REDIC1: variants seen among roughly 807,000 people sequenced by gnomAD.
The protein encoded by REDIC1 is regulator of DNA class I crossover intermediates 1, also known as HEI10 Interacting Protein 1.
the REDIC1 span, among the ~76,000 whole-genome samples, chr12:39,697,153 A>G: frequency 6.6e-5 from 10 of 152,346 alleles, 1 homozygote; most frequent in Non-Finnish European, 1.5e-4. Context: ...TGGAGCTGCA[A>G]TACGTCTGGG....
the REDIC1 span, among the ~76,000 whole-genome samples, chr12:39,660,178 G>A: frequency 4.0e-4 from 61 of 152,224 alleles, no homozygotes; most frequent in African/African-American, 1.4e-3. Context: ...TGCATGTGCC[G>A]GTTAGTATTT....
chr12:39,738,484 A>T, the REDIC1 span, among the ~76,000 whole-genome samples: 1 of 152,212 alleles, frequency 6.6e-6, no homozygotes, highest in Non-Finnish European at 1.5e-5. Context: ...TGCCTAAGTA[A>T]GTGGAGTATA....
chr12:39,628,878 G>C, the REDIC1 span, among the ~76,000 whole-genome samples: 1 of 152,062 alleles, frequency 6.6e-6, no homozygotes, highest in African/African-American at 2.4e-5. Context: ...TTTACTGATG[G>C]GGAAACTGAA....
the REDIC1 span, among the ~76,000 whole-genome samples, chr12:39,846,981 T>C: frequency 6.6e-6 from 1 of 152,142 alleles, no homozygotes; most frequent in African/African-American, 2.4e-5. Flanking sequence ...CAACAAAAGG[T>C]AGCTGTTTCA....
the REDIC1 span, among the ~76,000 whole-genome samples, chr12:39,893,604 C>A: frequency 1.3e-5 from 2 of 152,054 alleles, no homozygotes; most frequent in Non-Finnish European, 2.9e-5. Flanking sequence ...CCAGGCCTAC[C>A]GCTCTTTTCT....
At chr12:39,715,047 G>T in the REDIC1 span, among the ~76,000 whole-genome samples, 1 of 151,898 alleles carries the variant, frequency 6.6e-6, no homozygotes, top group Admixed American at 6.6e-5. Context: ...TCCTTTTGCC[G>T]TGCAAAAGCT....
the REDIC1 span, among the ~76,000 whole-genome samples, chr12:39,712,098 A>G: frequency 8.3e-6 from 1 of 120,820 alleles, no homozygotes; most frequent in Non-Finnish European, 1.8e-5. Flanking sequence ...ACATACATAT[A>G]TACCTGTATA....
chr12:39,890,175 A>C, the REDIC1 span, among the ~76,000 whole-genome samples: 1 of 152,210 alleles, frequency 6.6e-6, no homozygotes, highest in African/African-American at 2.4e-5. Flanking sequence ...GTTATATGTA[A>C]TGAAGAAATA....
At chr12:39,698,741 G>C in the REDIC1 span, among the ~76,000 whole-genome samples, 2 of 152,202 alleles carry the variant, frequency 1.3e-5, no homozygotes, top group Non-Finnish European at 2.9e-5. Flanking sequence ...TGAATGACCA[G>C]TGGGTCAATG....
the REDIC1 span, among the ~76,000 whole-genome samples, chr12:39,718,181 G>T: frequency 2.0e-5 from 3 of 151,978 alleles, no homozygotes; most frequent in Non-Finnish European, 1.5e-5. Context: ...TCTCTCTTGG[G>T]TTCTCTCCCA....
At chr12:39,827,222 T>C in the REDIC1 span, among the ~76,000 whole-genome samples, 2 of 152,052 alleles carry the variant, frequency 1.3e-5, no homozygotes, top group African/African-American at 2.4e-5. Context: ...CAACTCATGG[T>C]TCCCACTTCA....
chr12:39,713,466 ATATACATG>A, the REDIC1 span, among the ~76,000 whole-genome samples: 1 of 149,644 alleles, frequency 6.7e-6, no homozygotes, highest in Non-Finnish European at 1.5e-5. Context: ...ACATTTGTAT[ATATACATG>A]TATACATTTA....
chr12:39,786,727 C>A, the REDIC1 span, among the ~76,000 whole-genome samples: 1 of 152,152 alleles, frequency 6.6e-6, no homozygotes, highest in Non-Finnish European at 1.5e-5. Context: ...TGGGCTCAGC[C>A]TTGGTGGGTG....
the REDIC1 span, chr12:39,684,859 A>C: frequency 6.2e-7 from 1 of 1,602,466 alleles, no homozygotes; most frequent in South Asian, 1.1e-5. Context: ...TGTATTTATA[A>C]TCCTTAGGGG....
chr12:39,897,958 T>G, the REDIC1 span, among the ~76,000 whole-genome samples: 1 of 152,054 alleles, frequency 6.6e-6, no homozygotes, highest in East Asian at 1.9e-4. Context: ...TACATGTAAG[T>G]TTATTATATG....
At chr12:39,652,305 A>G in the REDIC1 span, among the ~76,000 whole-genome samples, 2 of 152,146 alleles carry the variant, frequency 1.3e-5, no homozygotes, top group Admixed American at 6.5e-5. Context: ...AAGTTTAAAA[A>G]AACTACCGAA....
At chr12:39,901,164 C>T in the REDIC1 span, among the ~76,000 whole-genome samples, 1 of 152,120 alleles carries the variant, frequency 6.6e-6, no homozygotes. Context: ...GGATCCCTTC[C>T]TTACACCTTA....
the REDIC1 span, among the ~76,000 whole-genome samples, chr12:39,702,064 G>A: frequency 6.6e-6 from 1 of 152,062 alleles, no homozygotes; most frequent in Non-Finnish European, 1.5e-5. Flanking sequence ...TCAAAAGCTA[G>A]CGGAAGGCAA....
the REDIC1 span, among the ~76,000 whole-genome samples, chr12:39,832,157 A>G: frequency 6.6e-6 from 1 of 152,188 alleles, no homozygotes; most frequent in African/African-American, 2.4e-5. Context: ...CACACTGGTG[A>G]TAAGCACACT....
Sources: gnomAD v4.1 joint callset for allele counts (sites outside exome capture counted in the v4.1 genomes callset) on GRCh38, gnomAD v4.1.1 for gene constraint, MANE v1.5 for transcripts, NCBI Gene and HGNC (gene_info 2026-07-23, HGNC 2026-07-21) for gene names.